SCHIP1: variants seen among roughly 807,000 people sequenced by gnomAD.
SCHIP1 encodes schwannomin-interacting protein 1.
Under a neutral mutation model 29.7 loss-of-function variants are expected in SCHIP1, and 8 were observed. The observed-to-expected ratio is 0.27, with a 90% CI of 0.16 to 0.49. SCHIP1 has a LOEUF of 0.49. SCHIP1 is among the 20% of genes least tolerant of loss of function. The pLI is 0.99. For missense variants in SCHIP1, 193 were observed against 294.6 expected (o/e 0.66, Z 2.52); for synonymous variants, 76 against 94.9 (o/e 0.80, Z 1.16).
the SCHIP1 span, among the ~76,000 whole-genome samples, chr3:159,641,786 G>A: frequency 6.6e-6 from 1 of 152,034 alleles, no homozygotes; most frequent in Non-Finnish European, 1.5e-5. Context: ...ACAAACAAAT[G>A]GTAGTCTCTA....
At chr3:159,896,725 A>G (rs1215806658) in exon 7 of SCHIP1, 1 of 1,603,156 alleles carries the variant, frequency 6.2e-7, no homozygotes, top group South Asian at 1.1e-5. Context: ...TTTTACAGAC[A>G]TGCTGAAAGT....
the SCHIP1 span, among the ~76,000 whole-genome samples, chr3:159,316,460 A>T: frequency 6.6e-6 from 1 of 152,152 alleles, no homozygotes; most frequent in Non-Finnish European, 1.5e-5. Context: ...TTAACAGTAG[A>T]TCTGCCTTCC....
the SCHIP1 span, among the ~76,000 whole-genome samples, chr3:159,532,427 C>T: frequency 6.6e-6 from 1 of 152,046 alleles, no homozygotes; most frequent in Non-Finnish European, 1.5e-5. Context: ...ATTTGGTTCA[C>T]TCATGTGTGC....
chr3:159,512,121 C>T, the SCHIP1 span, among the ~76,000 whole-genome samples: 1 of 150,910 alleles, frequency 6.6e-6, no homozygotes, highest in Admixed American at 6.6e-5. Flanking sequence ...TCAACAACAA[C>T]AAAATATATA....
the SCHIP1 span, among the ~76,000 whole-genome samples, chr3:159,678,276 A>G: frequency 6.6e-6 from 1 of 152,194 alleles, no homozygotes; most frequent in Non-Finnish European, 1.5e-5. Flanking sequence ...CTCATTGAAG[A>G]TTATTTCATC....
chr3:159,744,527 C>T, the SCHIP1 span, among the ~76,000 whole-genome samples: 1 of 152,158 alleles, frequency 6.6e-6, no homozygotes, highest in Non-Finnish European at 1.5e-5. Flanking sequence ...AATACTTTTC[C>T]CCCTGCCTAT....
the SCHIP1 span, among the ~76,000 whole-genome samples, chr3:159,619,275 C>T: frequency 4.6e-5 from 7 of 152,160 alleles, no homozygotes; most frequent in Non-Finnish European, 1.0e-4. Flanking sequence ...GTTCATAAAC[C>T]TCTCTGGTAA....
chr3:159,552,760 ATAAAG>A, the SCHIP1 span, among the ~76,000 whole-genome samples: 2 of 152,232 alleles, frequency 1.3e-5, no homozygotes, highest in South Asian at 2.1e-4. Context: ...ACATGAAATT[ATAAAG>A]TAGTGTTAAA....
At chr3:159,649,765 C>A in the SCHIP1 span, among the ~76,000 whole-genome samples, 1 of 152,050 alleles carries the variant, frequency 6.6e-6, no homozygotes, top group Non-Finnish European at 1.5e-5. Flanking sequence ...GGAATCGTGT[C>A]CTCAGTGAAA....
At chr3:159,848,684 A>G (rs907743363) in intron 1 of SCHIP1, among the ~76,000 whole-genome samples, 5 of 151,568 alleles carry the variant, frequency 3.3e-5, no homozygotes, top group African/African-American at 1.2e-4. Flanking sequence ...TTTTAATGCA[A>G]TTTCTGATTC....
At chr3:159,494,393 C>G in the SCHIP1 span, among the ~76,000 whole-genome samples, 7 of 151,958 alleles carry the variant, frequency 4.6e-5, no homozygotes, top group Non-Finnish European at 8.8e-5. Flanking sequence ...AAGAATCAAA[C>G]AGACGCAATA....
At chr3:159,704,638 T>C in the SCHIP1 span, among the ~76,000 whole-genome samples, 1 of 152,084 alleles carries the variant, frequency 6.6e-6, no homozygotes. Flanking sequence ...TATATCATAT[T>C]AGGCAATTCC....
chr3:159,289,085 A>G, the SCHIP1 span, among the ~76,000 whole-genome samples: 1 of 152,164 alleles, frequency 6.6e-6, no homozygotes, highest in Non-Finnish European at 1.5e-5. Context: ...AATGTATCTT[A>G]AATATGTAAC....
chr3:159,565,785 C>T, the SCHIP1 span, among the ~76,000 whole-genome samples: 1 of 152,070 alleles, frequency 6.6e-6, no homozygotes, highest in Non-Finnish European at 1.5e-5. Context: ...AATAGAAAGT[C>T]CTTTTAGATA....
At chr3:159,283,866 A>G in the SCHIP1 span, among the ~76,000 whole-genome samples, 1 of 152,212 alleles carries the variant, frequency 6.6e-6, no homozygotes, top group Non-Finnish European at 1.5e-5. Context: ...CTTATTATCC[A>G]TAGTTGATGC....
chr3:159,540,008 AT>A, the SCHIP1 span, among the ~76,000 whole-genome samples: 110 of 152,036 alleles, frequency 7.2e-4, no homozygotes, highest in African/African-American at 2.2e-3. Context: ...CAAAAGTCTA[AT>A]TTTTTTATAG....
chr3:159,602,594 A>G, the SCHIP1 span, among the ~76,000 whole-genome samples: 1 of 151,988 alleles, frequency 6.6e-6, no homozygotes, highest in African/African-American at 2.4e-5. Flanking sequence ...CTGTAATCCC[A>G]GCTACTCGGG....
chr3:159,787,317 G>C, the SCHIP1 span, among the ~76,000 whole-genome samples: 1 of 152,160 alleles, frequency 6.6e-6, no homozygotes, highest in African/African-American at 2.4e-5. Context: ...GTAAACACTG[G>C]AAGCTGCTGA....
At chr3:159,896,902 G>A in exon 7 of SCHIP1, 2 of 952,674 alleles carry the variant, frequency 2.1e-6, no homozygotes, top group East Asian at 3.0e-5. Context: ...GAAGCTTAAT[G>A]TCCAGTGATT....
Sources: gnomAD v4.1 joint callset for allele counts (sites outside exome capture counted in the v4.1 genomes callset) on GRCh38, gnomAD v4.1.1 for gene constraint, MANE v1.5 for transcripts, NCBI Gene and HGNC (gene_info 2026-07-23, HGNC 2026-07-21) for gene names.